Variants in OIP5 observed in about 807,000 individuals in gnomAD.
OIP5 encodes Opa interacting protein 5.
OIP5 carries 24 observed loss-of-function variants against 20.3 expected under a neutral mutation model. That is an observed-to-expected ratio of 1.18 (90% CI 0.86 to 1.66). The LOEUF (loss-of-function observed/expected upper bound fraction) is 1.66. Ranked by LOEUF, OIP5 falls within the 40% of genes most tolerant of loss-of-function variation. The probability of loss-of-function intolerance (pLI) is 0.00; values close to 1 mark genes in which losing one functional copy is unlikely to be tolerated. For missense variants in OIP5, 339 were observed against 289.5 expected, an observed-to-expected ratio of 1.17 and a Z score of -1.24; for synonymous variants, 143 against 121.3, an observed-to-expected ratio of 1.18 and a Z score of -1.17.
At chr15:41,310,300 A>G (rs1463236285) in intron 4 of OIP5, among the ~76,000 whole-genome samples, 1 of 152,196 alleles carries the variant, frequency 6.6e-6, no homozygotes, top group Non-Finnish European at 1.5e-5. Flanking sequence ...TAATTCTGGA[A>G]GAACTTTATA....
rs1160829930 is a variant in OIP5 at position 41,313,345 on chromosome 15, T to C, written c.522A>G (p.Leu174=). ...LSSDKMVCYL[L]KTKAIVNASE... is the part of the protein sequence containing the mutation. ...ATGCATTTACTATGGCTTTTGTTTT[T>C]AAGAGATAGCTAGATAGGAAAAAAG... Residue 174 remains leucine (L), a synonymous_variant, in exon 4 of 5, where the codon TTA becomes TTG. Transcript: ENST00000220514. The C allele has an allele frequency of 6.3e-7, 1 of 1,588,214 alleles. No homozygotes were observed. The highest frequency in any genetic ancestry group is 8.6e-7 in the Non-Finnish European group (1 of 1,161,152).
chr15:41,321,451 T>G (rs1049409057), intron 2 of OIP5, among the ~76,000 whole-genome samples: 3 of 152,204 alleles, frequency 2.0e-5, no homozygotes, highest in African/African-American at 7.2e-5. Flanking sequence ...GAATGGGCCA[T>G]GATGACAATG....
rs971359935 is a variant in OIP5 at position 41,319,716 on chromosome 15, G to C, written c.454C>G (p.His152Asp). The C allele has an allele frequency of 7.4e-6, 12 of 1,613,756 alleles. No individual in the cohort carries two copies. The highest frequency in any genetic ancestry group is 1.6e-4 in the Middle Eastern group (1 of 6,062). Reference sequence around the variant, plus strand: ...CCTCTCAAGGCAGCCAGGGCAGCATGGGTAGAATACAGATGGAAACCAACG... The same window carrying C: ...CCTCTCAAGGCAGCCAGGGCAGCATCGGTAGAATACAGATGGAAACCAACG... ...IPVGFHLYST[H>D]AALAALRGHF... Residue 152 changes from histidine to aspartate, a missense_variant, in exon 3 of 5, where the codon CAT becomes GAT. Transcript: ENST00000220514.
At chr15:41,326,540 C>T (rs1255511826) in intron 2 of OIP5, among the ~76,000 whole-genome samples, 1 of 152,170 alleles carries the variant, frequency 6.6e-6, no homozygotes, top group Non-Finnish European at 1.5e-5. Context: ...TCTCCTGACT[C>T]GGCCTCCCAA....
At chr15:41,329,106 C>G (rs1159429896) in intron 2 of OIP5, among the ~76,000 whole-genome samples, 19 of 149,778 alleles carry the variant, frequency 1.3e-4, no homozygotes, top group Admixed American at 1.2e-3. Flanking sequence ...AAAAAGAACC[C>G]GAGTCTGCTG....
intron 2 of OIP5, among the ~76,000 whole-genome samples, chr15:41,322,727 G>C (rs1034800063): frequency 3.9e-5 from 6 of 152,168 alleles, no homozygotes; most frequent in African/African-American, 7.2e-5. Context: ...CTGAGGTCAG[G>C]AGTTCGAGAC....
At chr15:41,311,632 A>ACAG (rs2047755024) in intron 4 of OIP5, among the ~76,000 whole-genome samples, 1 of 152,104 alleles carries the variant, frequency 6.6e-6, no homozygotes, top group South Asian at 2.1e-4. Flanking sequence ...CAATGGCGTG[A>ACAG]TCTTGGCTCA....
intron 2 of OIP5, among the ~76,000 whole-genome samples, chr15:41,320,210 T>C (rs1267668759): frequency 6.6e-6 from 1 of 152,154 alleles, no homozygotes; most frequent in Non-Finnish European, 1.5e-5. Context: ...AAAATCAAGG[T>C]TTGTCTTTTG....
intron 3 of OIP5, among the ~76,000 whole-genome samples, 191 bp from the exon 4 acceptor site, chr15:41,313,545 A>G (rs1309845372): frequency 6.6e-6 from 1 of 152,166 alleles, no homozygotes; most frequent in African/African-American, 2.4e-5. Context: ...AAACAACCAC[A>G]GACTAAAAAT....
At chr15:41,320,135 A>G (rs2047813691) in intron 2 of OIP5, among the ~76,000 whole-genome samples, 3 of 152,244 alleles carry the variant, frequency 2.0e-5, no homozygotes, top group Admixed American at 1.3e-4. Flanking sequence ...CATTATATAA[A>G]TTCACAGTTG....
chr15:41,329,063 C>CAA (rs1166517767), intron 2 of OIP5, among the ~76,000 whole-genome samples: 532 of 50,302 alleles, frequency 0.011, 42 homozygotes, highest in African/African-American at 0.032. Context: ...GACTCCATCT[C>CAA]AAAAAAAAAA....
chr15:41,318,455 C>T lies in OIP5; in HGVS notation c.512+1203G>A, dbSNP rs1364999748. Among the ~76,000 whole-genome samples the T allele has an allele frequency of 2.0e-5, 3 of 152,108 alleles. No homozygotes were observed. In the East Asian group the frequency reaches 5.8e-4, roughly 30 times the overall value. On this transcript the variant is annotated intron_variant, in intron 3 of 4. Coordinates refer to ENST00000220514, the MANE Select transcript of OIP5 (RefSeq NM_007280.2). ...GGGATTACAGGCGTGAGCCACTGCACCCGGCCCATAAGGGAGCAGTTTGAG... is the reference window on the plus strand; with the variant it reads ...GGGATTACAGGCGTGAGCCACTGCATCCGGCCCATAAGGGAGCAGTTTGAG...
At chr15:41,318,442 G>A (rs570203815) in intron 3 of OIP5, among the ~76,000 whole-genome samples, 21 of 152,126 alleles carry the variant, frequency 1.4e-4, no homozygotes, top group South Asian at 2.1e-4. Flanking sequence ...GATTACAGGC[G>A]TGAGCCACTG....
chr15:41,312,794 A>C (rs896696193), intron 4 of OIP5, among the ~76,000 whole-genome samples: 4 of 151,918 alleles, frequency 2.6e-5, no homozygotes, highest in Non-Finnish European at 5.9e-5. Flanking sequence ...ACGCCCGGCT[A>C]ATTTTTTGTA....
rs74836027 is a variant in OIP5 at position 41,319,806 on chromosome 15, G to A, written c.390-26C>T. The stretch of plus-strand genomic sequence containing the variant: ...CTAGGGGTGGGGAAAAACACAATAT[G>A]GGTAAGAATAAAAAATCATATAAGA... On this transcript the variant is annotated intron_variant, in intron 2 of 4. Coordinates refer to ENST00000220514, the MANE Select transcript of OIP5 (RefSeq NM_007280.2). 2,255 of 1,568,836 alleles carry A rather than the reference G, an allele frequency of 1.4e-3. 51 individuals carry two copies. The East Asian group carries it at 0.048, about 34-fold the overall frequency.
intron 2 of OIP5, among the ~76,000 whole-genome samples, chr15:41,321,325 A>G (rs1049854284): frequency 3.4e-5 from 5 of 145,794 alleles, no homozygotes; most frequent in Admixed American, 6.8e-5. Flanking sequence ...CCGCCCGGCC[A>G]GCCGCCCCGT....
intron 2 of OIP5, 29 bp downstream of exon 2, chr15:41,331,886 T>G (rs925563699): frequency 6.3e-7 from 1 of 1,585,018 alleles, no homozygotes; most frequent in African/African-American, 1.3e-5. Flanking sequence ...AGTCAGGGAC[T>G]AGAGACCAAT....
chr15:41,321,518 G>A (rs2047828167), intron 2 of OIP5, among the ~76,000 whole-genome samples: 1 of 152,184 alleles, frequency 6.6e-6, no homozygotes, highest in South Asian at 2.1e-4. Context: ...GAAATCGGAT[G>A]GCTGCTGTGT....
intron 3 of OIP5, among the ~76,000 whole-genome samples, chr15:41,319,120 G>A (rs918706354): frequency 6.0e-5 from 9 of 151,132 alleles, no homozygotes; most frequent in Admixed American, 1.3e-4. Flanking sequence ...ACCCAGGCTG[G>A]AGTGTAGTGG....
Sources: allele counts gnomAD v4.1 joint callset (sites outside exome capture counted in the v4.1 genomes callset), GRCh38; gene constraint gnomAD v4.1.1; transcripts MANE v1.5; gene names NCBI Gene and HGNC (gene_info 2026-07-23, HGNC 2026-07-21).